The following DGAT1 variants were observed in gnomAD, a reference collection of about 807,000 sequenced individuals.
DGAT1 encodes the protein ACAT related gene product 1.
DGAT1 carries 60 observed loss-of-function variants against 72.6 expected under a neutral mutation model. That is an observed-to-expected ratio of 0.83 (90% CI 0.67 to 1.02). DGAT1 has a LOEUF of 1.02. DGAT1 is among the 50% of genes least tolerant of loss of function. The pLI is 0.00. For synonymous variants in DGAT1, 290 were observed against 267.5 expected, an observed-to-expected ratio of 1.08 and a Z score of -0.82; for missense variants, 592 against 670.0, an observed-to-expected ratio of 0.88 and a Z score of 1.29.
At chr8:144,323,782 C>T (rs570735284) in intron 1 of DGAT1, among the ~76,000 whole-genome samples, 2 of 152,360 alleles carry the variant, frequency 1.3e-5, no homozygotes, top group Admixed American at 6.5e-5. Context: ...TCTCCAGGTT[C>T]AAAGTGTGCC....
At chr8:144,320,344 C>T (rs1554847972) in intron 2 of DGAT1, among the ~76,000 whole-genome samples, 4 of 152,228 alleles carry the variant, frequency 2.6e-5, no homozygotes, top group Non-Finnish European at 1.5e-5. Flanking sequence ...GAGTGCTGGG[C>T]TGGCGCTGGG....
At position 144,316,602 on chromosome 8, in the gene DGAT1, G is replaced by A. The variant is rs368716808; in HGVS notation, c.1419C>T (p.Val473=). The A allele has an allele frequency of 1.9e-6, 3 of 1,606,640 alleles. No individual in the cohort carries two copies. Among genetic ancestry groups the A allele is most frequent in the African/African-American group, 2.7e-5 (2 of 74,854 alleles). The part of the protein sequence containing the change: ...IGQPIAVLMY[V]HDYYVLNYEA... ...CATAGTTGAGCACGTAGTAGTCGTGGACGTACATGAGGACGGCTATTGGCT... is the reference window on the plus strand; with the variant it reads ...CATAGTTGAGCACGTAGTAGTCGTGAACGTACATGAGGACGGCTATTGGCT... The change falls in exon 17 of 17, where the codon GTC becomes GTT. Residue 473 remains valine, a synonymous_variant. Transcript: ENST00000528718.
Position 144,315,730 on chromosome 8 carries a change from CAG to C in DGAT1, c.*822_*823del, listed in dbSNP as rs1817183259. The C allele has an allele frequency of 1.7e-5, 16 of 916,558 alleles. No homozygotes were observed. Among genetic ancestry groups the C allele is most frequent in the Non-Finnish European group, 2.0e-5 (15 of 767,192 alleles). 56.8% of individuals were successfully genotyped at this position (916,558 alleles called of 1,614,324 possible). A position where few individuals can be genotyped will look rare whatever the true frequency, so the allele number is the denominator to read the frequency against. The stretch of plus-strand genomic sequence containing the variant: ...CAGAGGGCAAGGCAGGCCTGGGGAT[CAG>C]GGGTGCCCCAACCTCGTGGAGGGCA... On this transcript the variant is annotated 3_prime_UTR_variant, in exon 17 of 17. Transcript: ENST00000528718.
Position 144,314,759 on chromosome 8 carries a change from G to C in DGAT1, c.*1795C>G. ...TGTTTCCTCTGTCCCAGGGTGGTGC[G>C]GTGGGTGGTGCTGCAATGAGGAGGG... On this transcript the variant is annotated 3_prime_UTR_variant, in exon 17 of 17. Coordinates refer to ENST00000528718, the MANE Select transcript of DGAT1 (RefSeq NM_012079.6). 2 of 252,706 alleles carry C rather than the reference G, an allele frequency of 7.9e-6. No individual in the cohort carries two copies. Among genetic ancestry groups the C allele is most frequent in the South Asian group, 1.1e-4 (1 of 9,204 alleles). 15.7% of individuals were successfully genotyped at this position (252,706 alleles called of 1,614,324 possible). A position where few individuals can be genotyped will look rare whatever the true frequency, so the allele number is the denominator to read the frequency against.
At position 144,317,098 on chromosome 8, in the gene DGAT1, TTGTAGAAG is replaced by T. The variant is rs1817261431; in HGVS notation, c.1164_1171del (p.His388GlnfsTer92). 6.2e-7 allele frequency: 1 copy of T among 1,612,948 alleles called. No homozygotes were observed. Among genetic ancestry groups the T allele is most frequent in the Admixed American group, 1.7e-5 (1 of 59,994 alleles). ...GCTGCTGCCCCGTCGAAGCATGGGCTTGTAGAAGTGTCTGCAGAGGAGGGGGCATGGAA... is the reference window on the plus strand; with the variant it reads ...GCTGCTGCCCCGTCGAAGCATGGGCTTGTCTGCAGAGGAGGGGGCATGGAA... On this transcript the variant is annotated frameshift_variant, in exon 15 of 17. Coordinates refer to ENST00000528718, the MANE Select transcript of DGAT1 (RefSeq NM_012079.6). LOFTEE classifies it high-confidence loss of function.
At position 144,315,247 on chromosome 8, in the gene DGAT1, C is replaced by T. The variant is rs1817160725; in HGVS notation, c.*1307G>A. The stretch of plus-strand genomic sequence containing the variant: ...ATGTGGGATGGAGGAGTCGGCCCCA[C>T]ACCCATCCCCCCACCAGGAGCTCAC... On this transcript the variant is annotated 3_prime_UTR_variant, in exon 17 of 17. Transcript: ENST00000528718. 2 of 985,562 alleles carry T rather than the reference C, an allele frequency of 2.0e-6. No individual in the cohort carries two copies. Among genetic ancestry groups the T allele is most frequent in the Non-Finnish European group, 2.4e-6 (2 of 830,040 alleles). 61.1% of individuals were successfully genotyped at this position (985,562 alleles called of 1,614,324 possible). A position where few individuals can be genotyped will look rare whatever the true frequency, so the allele number is the denominator to read the frequency against.
At chr8:144,319,644 T>C (rs2130528063) in intron 2 of DGAT1, among the ~76,000 whole-genome samples, 1 of 152,314 alleles carries the variant, frequency 6.6e-6, no homozygotes, top group East Asian at 1.9e-4. Flanking sequence ...GTGCCCCGCC[T>C]GCCTCTTCTG....
At position 144,317,826 on chromosome 8, in the gene DGAT1, G is replaced by T. The variant is rs782317402; in HGVS notation, c.856-4C>A. On this transcript the variant is annotated splice_region_variant and splice_polypyrimidine_tract_variant and intron_variant, in intron 9 of 16. Coordinates refer to ENST00000528718, the MANE Select transcript of DGAT1 (RefSeq NM_012079.6). ...CCTGGAGCTGGGTGAAGAACAGCTGGGGGGGAAACAGAGAGCAGCCAGCTG... is the reference window on the plus strand; with the variant it reads ...CCTGGAGCTGGGTGAAGAACAGCTGTGGGGGAAACAGAGAGCAGCCAGCTG... 4 of 1,610,882 alleles carry T rather than the reference G, an allele frequency of 2.5e-6. No homozygotes were observed. In the South Asian group the frequency reaches 3.3e-5, roughly 13 times the overall value.
intron 1 of DGAT1, 53 bp from the exon 2 acceptor site, chr8:144,321,461 C>T (rs1249825359): frequency 6.5e-7 from 1 of 1,543,588 alleles, no homozygotes; most frequent in East Asian, 2.3e-5. Context: ...AGGGCAGCGC[C>T]ACCCCCGCAG....
In DGAT1 at chr8:144,315,094, C is replaced by T. The variant is rs1407010491; in HGVS notation, c.*1460G>A. Reference sequence around the variant, plus strand: ...TGTCCCGTAGCTTTAGGGTTCTCCACTCAGCCTGGTGGAGGAAGGGAAGGG... The same window carrying T: ...TGTCCCGTAGCTTTAGGGTTCTCCATTCAGCCTGGTGGAGGAAGGGAAGGG... On this transcript the variant is annotated 3_prime_UTR_variant, in exon 17 of 17. Coordinates refer to ENST00000528718, the MANE Select transcript of DGAT1 (RefSeq NM_012079.6). 3.0e-5 allele frequency: 30 copies of T among 985,402 alleles called. No individual in the cohort carries two copies. The highest frequency in any genetic ancestry group is 4.8e-6 in the Non-Finnish European group (4 of 829,974). The allele number at this position is 985,402 out of a possible 1,614,324, so 61.0% of individuals were successfully genotyped here.
At position 144,316,097 on chromosome 8, in the gene DGAT1, A is replaced by G. The variant is rs2130506000; in HGVS notation, c.*457T>C. ...GAGGACGCCTGAGCTGAGCTTTTCT[A>G]GGTAGGGGAGTGTGGGGAATGGGGG... On this transcript the variant is annotated 3_prime_UTR_variant, in exon 17 of 17. Transcript: ENST00000528718. 4.1e-6 allele frequency: 1 copy of G among 246,414 alleles called. No homozygotes were observed. Among genetic ancestry groups the G allele is most frequent in the Non-Finnish European group, 6.8e-6 (1 of 147,418 alleles). 15.3% of individuals were successfully genotyped at this position (246,414 alleles called of 1,614,324 possible). A position where few individuals can be genotyped will look rare whatever the true frequency, so the allele number is the denominator to read the frequency against.
chr8:144,319,234 A>G (rs1255465440), intron 2 of DGAT1, among the ~76,000 whole-genome samples, 166 bp from the exon 3 acceptor site: 1 of 152,160 alleles, frequency 6.6e-6, no homozygotes, highest in East Asian at 1.9e-4. Flanking sequence ...TCTGAGACTC[A>G]GCACCCACCT....
In DGAT1 at chr8:144,314,872, G is replaced by C. The variant is rs1356738932; in HGVS notation, c.*1682C>G. The C allele has an allele frequency of 2.0e-6, 2 of 984,794 alleles. No homozygotes were observed. The highest frequency in any genetic ancestry group is 2.4e-6 in the Non-Finnish European group (2 of 828,218). 61.0% of individuals were successfully genotyped at this position (984,794 alleles called of 1,614,324 possible). A position where few individuals can be genotyped will look rare whatever the true frequency, so the allele number is the denominator to read the frequency against. On this transcript the variant is annotated 3_prime_UTR_variant, in exon 17 of 17. Coordinates refer to ENST00000528718, the MANE Select transcript of DGAT1 (RefSeq NM_012079.6). ...AGCTCCGTGCCTGCCCGACTCCCCAGGACCAGCATGTGCTTGCAGTTCTTT... is the reference window on the plus strand; with the variant it reads ...AGCTCCGTGCCTGCCCGACTCCCCACGACCAGCATGTGCTTGCAGTTCTTT...
chr8:144,315,913 C>T lies in DGAT1; in HGVS notation c.*641G>A. On this transcript the variant is annotated 3_prime_UTR_variant, in exon 17 of 17. Coordinates refer to ENST00000528718, the MANE Select transcript of DGAT1 (RefSeq NM_012079.6). ...ACCCACACCAGAAAGGCCCTGTGGACTGCCCATCCCTGGGCCATCCTGGCT... is the reference window on the plus strand; with the variant it reads ...ACCCACACCAGAAAGGCCCTGTGGATTGCCCATCCCTGGGCCATCCTGGCT... 4.1e-6 allele frequency: 4 copies of T among 986,104 alleles called. No individual in the cohort carries two copies. Among genetic ancestry groups the T allele is most frequent in the Non-Finnish European group, 4.8e-6 (4 of 830,456 alleles). 61.1% of individuals were successfully genotyped at this position (986,104 alleles called of 1,614,324 possible).
Position 144,316,421 on chromosome 8 carries a change from G to A in DGAT1, c.*133C>T. ...TGCAGGACAGAGCCCCATAGGGGCA[G>A]AGAGGCCTCCCTGGGACCAGAGGAG... On this transcript the variant is annotated 3_prime_UTR_variant, in exon 17 of 17. Coordinates refer to ENST00000528718, the MANE Select transcript of DGAT1 (RefSeq NM_012079.6). 8.5e-7 allele frequency: 1 copy of A among 1,175,982 alleles called. No homozygotes were observed. The highest frequency in any genetic ancestry group is 2.6e-5 in the East Asian group (1 of 38,916). The allele number at this position is 1,175,982 out of a possible 1,614,324, so 72.8% of individuals were successfully genotyped here.
intron 2 of DGAT1, 69 bp from the exon 3 acceptor site, chr8:144,319,137 C>T: frequency 6.6e-7 from 1 of 1,525,122 alleles, no homozygotes; most frequent in Non-Finnish European, 8.9e-7. Flanking sequence ...CCAGATCCTC[C>T]CAACACCTCT....
intron 1 of DGAT1, among the ~76,000 whole-genome samples, chr8:144,326,034 G>A (rs1212661394): frequency 6.6e-6 from 1 of 152,114 alleles, no homozygotes; most frequent in African/African-American, 2.4e-5. Flanking sequence ...CTACCCGCAA[G>A]GCACCGCTCA....
chr8:144,317,410 G>A lies in DGAT1; in HGVS notation c.1017C>T (p.Tyr339=), dbSNP rs1817278132. ...PNHLIWLIFF[Y]WLFHSCLNAV... is the part of the protein sequence containing the mutation. ...CATTCAGGCAGGAGTGGAAGAGCCA[G>A]TAGAAGAAGATGAGCCAGATGAGGT... is the stretch of plus-strand genomic sequence containing the variant. Residue 339 remains tyrosine (Y), a synonymous_variant, in exon 13 of 17, where the codon TAC becomes TAT. Transcript: ENST00000528718. 2.5e-6 allele frequency: 4 copies of A among 1,613,794 alleles called. No homozygotes were observed. Among genetic ancestry groups the A allele is most frequent in the Admixed American group, 1.7e-5 (1 of 59,994 alleles).
intron 1 of DGAT1, among the ~76,000 whole-genome samples, chr8:144,324,937 G>C (rs1003101317): frequency 2.0e-5 from 3 of 151,288 alleles, no homozygotes; most frequent in African/African-American, 7.3e-5. Flanking sequence ...TGTGGTGGGC[G>C]CCTCTAATCC....
Sources: gnomAD v4.1 joint callset for allele counts (sites outside exome capture counted in the v4.1 genomes callset) on GRCh38, gnomAD v4.1.1 for gene constraint, MANE v1.5 for transcripts, NCBI Gene and HGNC (gene_info 2026-07-23, HGNC 2026-07-21) for gene names.